MMP26: variants seen among roughly 807,000 people sequenced by gnomAD.
MMP26 encodes the protein matrix metallopeptidase 26, also known as matrix metalloproteinase-26.
In MMP26, 33 loss-of-function variants were observed where a neutral mutation model predicts 31.0. The ratio of observed to expected loss-of-function variants is 1.06; its 90% confidence interval spans 0.81 to 1.42. MMP26 has a LOEUF of 1.42. Ranked by LOEUF, MMP26 falls within the 40% of genes most tolerant of loss-of-function variation. The probability of loss-of-function intolerance (pLI) is 0.00; values close to 1 mark genes in which losing one functional copy is unlikely to be tolerated. For synonymous variants in MMP26, 122 were observed against 114.9 expected (o/e 1.06, Z -0.40); for missense variants, 347 against 316.1 (o/e 1.10, Z -0.74).
chr11:4,904,062 A>G (rs1298095662), intron 2 of MMP26, among the ~76,000 whole-genome samples: 2 of 152,138 alleles, frequency 1.3e-5, no homozygotes, highest in Non-Finnish European at 2.9e-5. Flanking sequence ...ATTAAAAAAT[A>G]TAAATTACTC....
chr11:4,915,337 A>T, intron 2 of MMP26: 1 of 1,614,028 alleles, frequency 6.2e-7, no homozygotes, highest in Middle Eastern at 1.6e-4. Context: ...AGAAGCAGTG[A>T]ATGAAAAAGA....
chr11:4,725,977 T>A (rs1331245043), intron 1 of MMP26, among the ~76,000 whole-genome samples: 1 of 152,072 alleles, frequency 6.6e-6, no homozygotes, highest in Non-Finnish European at 1.5e-5. Context: ...GCAGGCACAG[T>A]AAAGCCTCAA....
intron 2 of MMP26, among the ~76,000 whole-genome samples, chr11:4,858,772 C>T (rs1850097366): frequency 6.6e-6 from 1 of 152,126 alleles, no homozygotes; most frequent in Non-Finnish European, 1.5e-5. Flanking sequence ...CAAGATAATC[C>T]TAAGCCAAAA....
At chr11:4,943,444 G>T in intron 2 of MMP26, 1 of 455,580 alleles carries the variant, frequency 2.2e-6, no homozygotes, top group Non-Finnish European at 4.4e-6. Flanking sequence ...TTTAACCATG[G>T]GGCTTAATCA....
intron 2 of MMP26, among the ~76,000 whole-genome samples, chr11:4,899,833 A>G (rs1244759909): frequency 3.3e-5 from 5 of 152,290 alleles, no homozygotes; most frequent in South Asian, 2.1e-4. Flanking sequence ...GATCCTCACA[A>G]TGTCTCCCAC....
chr11:4,853,913 A>G (rs1583349), intron 2 of MMP26, among the ~76,000 whole-genome samples: 35,470 of 150,868 alleles, frequency 0.24, 4,742 homozygotes, highest in South Asian at 0.35. Context: ...TTGGCTACAT[A>G]AAAAAAAAAT....
chr11:4,824,408 C>T (rs1157773126), intron 2 of MMP26, among the ~76,000 whole-genome samples: 2 of 152,092 alleles, frequency 1.3e-5, no homozygotes, highest in Non-Finnish European at 2.9e-5. Flanking sequence ...CACACTTATA[C>T]GATTTTTAAG....
At chr11:4,915,976 C>T (rs1057064630) in intron 2 of MMP26, among the ~76,000 whole-genome samples, 1 of 152,108 alleles carries the variant, frequency 6.6e-6, no homozygotes, top group Non-Finnish European at 1.5e-5. Context: ...ACTTCTGTAT[C>T]AACCAGGTCT....
At chr11:4,881,362 A>C (rs1850460318) in intron 2 of MMP26, among the ~76,000 whole-genome samples, 1 of 152,136 alleles carries the variant, frequency 6.6e-6, no homozygotes, top group South Asian at 2.1e-4. Flanking sequence ...TCGCTCAGTT[A>C]CTTTTGCACC....
chr11:4,738,519 GA>G (rs1848271492), intron 1 of MMP26, among the ~76,000 whole-genome samples: 1 of 151,990 alleles, frequency 6.6e-6, no homozygotes, highest in African/African-American at 2.4e-5. Context: ...TTGTGATAAA[GA>G]AAAAAACTTC....
Position 4,768,383 on chromosome 11 carries a change from G to A in MMP26, c.-145+1042G>A, listed in dbSNP as rs534582698. Among the ~76,000 whole-genome samples the A allele has an allele frequency of 1.4e-4, 21 of 152,194 alleles. No homozygotes were observed. In the South Asian group the frequency reaches 2.1e-3, roughly 15 times the overall value. The stretch of plus-strand genomic sequence containing the variant: ...GAATTATCCATGAAGAAAACAGCTA[G>A]AGTATATTCTAAGAAGGTTACTACA... On this transcript the variant is annotated intron_variant, in intron 2 of 7. Transcript: ENST00000380390.
chr11:4,760,184 T>C (rs913090478), intron 1 of MMP26, among the ~76,000 whole-genome samples: 1 of 152,242 alleles, frequency 6.6e-6, no homozygotes, highest in Admixed American at 6.5e-5. Context: ...GTTATCATCA[T>C]ATGATTTGTC....
intron 2 of MMP26, among the ~76,000 whole-genome samples, chr11:4,857,898 C>A (rs1850078936): frequency 6.6e-6 from 1 of 152,172 alleles, no homozygotes; most frequent in Admixed American, 6.5e-5. Context: ...GGCTTCATCC[C>A]TGGGATGCAA....
At chr11:4,939,241 A>G (rs1159595186) in intron 2 of MMP26, among the ~76,000 whole-genome samples, 1 of 152,172 alleles carries the variant, frequency 6.6e-6, no homozygotes. Flanking sequence ...AATGGAAATT[A>G]GTTGTAGCTC....
chr11:4,745,213 A>G (rs376611940), intron 1 of MMP26, among the ~76,000 whole-genome samples: 17 of 152,346 alleles, frequency 1.1e-4, no homozygotes, highest in African/African-American at 2.4e-4. Context: ...CCACCAAAAT[A>G]AATATTTTTC....
chr11:4,726,406 G>A lies in MMP26; in HGVS notation c.-217+21361G>A, dbSNP rs548598062. Among the ~76,000 whole-genome samples, 11 of 151,984 alleles carry A rather than the reference G, an allele frequency of 7.2e-5. 1 individual carries two copies. The South Asian group carries it at 1.0e-3, about 14-fold the overall frequency. ...GAACCCGGGAGACGGAGGTTGAAAT[G>A]AGCCGAGATCACGCCACCGCACTCC... On this transcript the variant is annotated intron_variant, in intron 1 of 7. Transcript: ENST00000380390.
chr11:4,769,680 A>G, intron 2 of MMP26: 1 of 1,613,066 alleles, frequency 6.2e-7, no homozygotes, highest in East Asian at 2.2e-5. Context: ...GTTGTTGACA[A>G]TGAAGAAACA....
chr11:4,775,191 G>A (rs1202987653), intron 2 of MMP26, among the ~76,000 whole-genome samples: 1 of 152,104 alleles, frequency 6.6e-6, no homozygotes, highest in Admixed American at 6.5e-5. Flanking sequence ...ATTGGGAATA[G>A]CATTGAATCT....
rs186737924 is a variant in MMP26 at position 4,724,411 on chromosome 11, C to T, written c.-217+19366C>T. ...CAAAGCCTTGTACATTTTCTCTGGCCTAAATAGCATAGACAGCTAAAGTTT... is the reference window on the plus strand; with the variant it reads ...CAAAGCCTTGTACATTTTCTCTGGCTTAAATAGCATAGACAGCTAAAGTTT... On this transcript the variant is annotated intron_variant, in intron 1 of 7. Transcript: ENST00000380390. Among the ~76,000 whole-genome samples the T allele has an allele frequency of 2.6e-5, 4 of 152,264 alleles. No homozygotes were observed. The South Asian group carries it at 6.2e-4, about 24-fold the overall frequency.
Sources: gnomAD v4.1 joint callset for allele counts (sites outside exome capture counted in the v4.1 genomes callset) on GRCh38, gnomAD v4.1.1 for gene constraint, MANE v1.5 for transcripts, NCBI Gene and HGNC (gene_info 2026-07-23, HGNC 2026-07-21) for gene names.